The following KCNQ2 variants were observed in gnomAD, a reference collection of about 807,000 sequenced individuals.
The protein encoded by KCNQ2 is potassium voltage-gated channel subfamily Q member 2.
Under a neutral mutation model 84.8 loss-of-function variants are expected in KCNQ2, and 14 were observed. The ratio of observed to expected loss-of-function variants is 0.17; its 90% CI spans 0.11 to 0.26. The LOEUF (loss-of-function observed/expected upper bound fraction) is 0.26, where lower values mean the gene tolerates loss of function less well. Ranked by LOEUF, KCNQ2 falls within the 10% of genes least tolerant of loss-of-function variation. KCNQ2 has a pLI of 1.00. For synonymous variants in KCNQ2, 599 were observed against 554.1 expected (o/e 1.08, Z -1.14); for missense variants, 788 against 1,254.0 (o/e 0.63, Z 5.61).
At chr20:63,422,587 C>G (rs561640033) in intron 11 of KCNQ2, 2 of 152,456 alleles carry the variant, frequency 1.3e-5, no homozygotes, top group African/African-American at 4.8e-5. Flanking sequence ...CAGAGCTTAC[C>G]GGAGAGCCCG....
At chr20:63,428,701 G>A (rs1277768074) in intron 9 of KCNQ2, among the ~76,000 whole-genome samples, 4 of 152,268 alleles carry the variant, frequency 2.6e-5, no homozygotes, top group African/African-American at 4.8e-5. Context: ...GGAAGAGGGC[G>A]CCTGGCCACC....
intron 6 of KCNQ2, among the ~76,000 whole-genome samples, chr20:63,439,378 G>A (rs1047093656): frequency 3.3e-5 from 5 of 152,220 alleles, no homozygotes; most frequent in Non-Finnish European, 7.3e-5. Flanking sequence ...GCAGCCTTGG[G>A]CATGCTCCTG....
At position 63,443,185 on chromosome 20, in the gene KCNQ2, TCACCAC is replaced by T. The variant is rs201627426; in HGVS notation, c.691-660_691-655del. Among the ~76,000 whole-genome samples the T allele has an allele frequency of 1.2e-3, 82 of 65,630 alleles. 4 individuals carry two copies. Among genetic ancestry groups the T allele is most frequent in the Admixed American group, 5.9e-4 (4 of 6,732 alleles). The allele number at this position is 65,630 out of a possible 152,430, so 43.1% of individuals were successfully genotyped here. A position where few individuals can be genotyped will look rare whatever the true frequency, so the allele number is the denominator to read the frequency against. On this transcript the variant is annotated intron_variant, in intron 4 of 16. Coordinates refer to ENST00000359125, the MANE Select transcript of KCNQ2 (RefSeq NM_172107.4). ...CACCACCATCACATCACCATCACCATCACCACCACCACCACCATCACCACCACCACC... is the reference window on the plus strand; with the variant it reads ...CACCACCATCACATCACCATCACCATCACCACCACCATCACCACCACCACC...
intron 5 of KCNQ2, among the ~76,000 whole-genome samples, chr20:63,441,222 T>G (rs1378792642): frequency 6.7e-6 from 1 of 149,582 alleles, no homozygotes; most frequent in Non-Finnish European, 1.5e-5. Flanking sequence ...CCCCCCACAC[T>G]GCTGAAAACC....
chr20:63,446,258 T>C lies in KCNQ2; in HGVS notation c.387+489A>G. 2 of 250,964 alleles carry C rather than the reference T, an allele frequency of 8.0e-6. No homozygotes were observed. The highest frequency in any genetic ancestry group is 7.9e-6 in the Non-Finnish European group (1 of 127,196). 15.5% of individuals were successfully genotyped at this position (250,964 alleles called of 1,614,324 possible). A position where few individuals can be genotyped will look rare whatever the true frequency, so the allele number is the denominator to read the frequency against. ...GGCGGGCAGTAGAGGGAGGTGCATT[T>C]GGATGGGGACCAGTCTCCTTGAGGG... On this transcript the variant is annotated intron_variant, in intron 2 of 16. Coordinates refer to ENST00000359125, the MANE Select transcript of KCNQ2 (RefSeq NM_172107.4). This position sits in a 1 kb window ranked among gnomAD's most constrained non-coding sequence, Gnocchi z 5.5.
At chr20:63,432,953 G>A (rs2145673434) in intron 8 of KCNQ2, among the ~76,000 whole-genome samples, 1 of 152,298 alleles carries the variant, frequency 6.6e-6, no homozygotes, top group South Asian at 2.1e-4. Flanking sequence ...GGGGGGCGCG[G>A]GAGCTGGGAA....
At position 63,446,674 on chromosome 20, in the gene KCNQ2, C is replaced by CA; in HGVS notation, c.387+72_387+73insT. 1 of 1,285,176 alleles carries CA rather than the reference C, an allele frequency of 7.8e-7. No individual in the cohort carries two copies. Among genetic ancestry groups the CA allele is most frequent in the Non-Finnish European group, 1.1e-6 (1 of 882,972 alleles). 79.6% of individuals were successfully genotyped at this position (1,285,176 alleles called of 1,614,324 possible). A position where few individuals can be genotyped will look rare whatever the true frequency, so the allele number is the denominator to read the frequency against. ...GTCAGAGGCCCTGTAGTAACAGGAA[C>CA]GGAAGACAGACGCCCAGGCAGCTCC... is the stretch of plus-strand genomic sequence containing the variant. On this transcript the variant is annotated intron_variant, in intron 2 of 16. Coordinates refer to ENST00000359125, the MANE Select transcript of KCNQ2 (RefSeq NM_172107.4). This position sits in a 1 kb window ranked among gnomAD's most constrained non-coding sequence, Gnocchi z 5.5.
In KCNQ2 at chr20:63,438,808, C is replaced by T. The variant is rs1256543294; in HGVS notation, c.928-88G>A. On this transcript the variant is annotated intron_variant, in intron 6 of 16. Transcript: ENST00000359125. This position sits in a 1 kb window ranked among gnomAD's most constrained non-coding sequence, Gnocchi z 5.1. ...AGACCATGCTCTGGGGCCCCACACCCCCCCCAATTCATCAGGGTCAGACCA... is the reference window on the plus strand; with the variant it reads ...AGACCATGCTCTGGGGCCCCACACCTCCCCCAATTCATCAGGGTCAGACCA... The T allele has an allele frequency of 4.0e-6, 4 of 997,502 alleles. No homozygotes were observed. The highest frequency in any genetic ancestry group is 2.5e-5 in the East Asian group (1 of 39,714). 61.8% of individuals were successfully genotyped at this position (997,502 alleles called of 1,614,324 possible). A position where few individuals can be genotyped will look rare whatever the true frequency, so the allele number is the denominator to read the frequency against.
rs1175404002 is a variant in KCNQ2 at position 63,415,058 on chromosome 20, G to A, written c.1370C>T (p.Ser457Phe). 2 of 1,607,594 alleles carry A rather than the reference G, an allele frequency of 1.2e-6. No homozygotes were observed. Among genetic ancestry groups the A allele is most frequent in the East Asian group, 2.2e-5 (1 of 44,854 alleles). Reference sequence around the variant, plus strand: ...CCGCCTCACAGTCTGGGCCTGCGGGGACCCCTTCCCCTTGGCAGCCACGCC... The same window carrying A: ...CCGCCTCACAGTCTGGGCCTGCGGGAACCCCTTCCCCTTGGCAGCCACGCC... Reference protein sequence around the residue: ...PRGVAAKGKGSPQAQTVRRSP... With the variant: ...PRGVAAKGKGFPQAQTVRRSP... Residue 457 changes from serine (S) to phenylalanine (F), a missense_variant, in exon 13 of 17, where the codon TCC becomes TTC. Coordinates refer to ENST00000359125, the MANE Select transcript of KCNQ2 (RefSeq NM_172107.4).
At chr20:63,417,940 C>T (rs2145577522) in intron 12 of KCNQ2, among the ~76,000 whole-genome samples, 1 of 152,324 alleles carries the variant, frequency 6.6e-6, no homozygotes, top group East Asian at 1.9e-4. Flanking sequence ...CTGGCCTCGG[C>T]GCGGCCCTGC....
chr20:63,451,824 C>T (rs1449921047), intron 1 of KCNQ2, among the ~76,000 whole-genome samples: 1 of 152,224 alleles, frequency 6.6e-6, no homozygotes, highest in East Asian at 1.9e-4. Flanking sequence ...AGTCCTCTGG[C>T]CTGGGCAGGC....
At chr20:63,442,807 TACC>T (rs1386812186) in intron 4 of KCNQ2, among the ~76,000 whole-genome samples, 2 of 7,248 alleles carry the variant, frequency 2.8e-4, no homozygotes, top group Non-Finnish European at 5.4e-4. Flanking sequence ...CCACCACCAT[TACC>T]ACCACCATCA....
At chr20:63,443,140 A>G in intron 4 of KCNQ2, among the ~76,000 whole-genome samples, 1 of 66,036 alleles carries the variant, frequency 1.5e-5, no homozygotes, top group Non-Finnish European at 3.0e-5. Flanking sequence ...CACCATCATC[A>G]CCACCACCAT....
chr20:63,414,130 T>G lies in KCNQ2; in HGVS notation c.1589A>C (p.Glu530Ala), dbSNP rs763853192. The change falls in exon 14 of 17, where the codon GAG (glutamate) becomes GCG (alanine). Residue 530 changes from glutamate to alanine, a missense_variant. Transcript: ENST00000359125. This position sits in a 1 kb window ranked among gnomAD's most constrained non-coding sequence, Gnocchi z 6.6. ...DKSCPCEFVT[E>A]DLTPGLKVSI... ...GACTTTGAGGCCCGGGGTCAGGTCCTCGGTCACAAACTCGCAGGGGCAGCT... is the reference window on the plus strand; with the variant it reads ...GACTTTGAGGCCCGGGGTCAGGTCCGCGGTCACAAACTCGCAGGGGCAGCT... 6.2e-7 allele frequency: 1 copy of G among 1,613,710 alleles called. No homozygotes were observed. Among genetic ancestry groups the G allele is most frequent in the East Asian group, 2.2e-5 (1 of 44,864 alleles).
intron 1 of KCNQ2, among the ~76,000 whole-genome samples, chr20:63,450,274 G>A (rs774235583): frequency 9.3e-5 from 14 of 151,234 alleles, no homozygotes; most frequent in Non-Finnish European, 1.9e-4. Flanking sequence ...AGAGGTCACG[G>A]CCCAGCACAC....
At chr20:63,470,494 G>C (rs2082189441) in intron 1 of KCNQ2, among the ~76,000 whole-genome samples, 1 of 152,252 alleles carries the variant, frequency 6.6e-6, no homozygotes, top group Non-Finnish European at 1.5e-5. Context: ...AGGAAGGAGA[G>C]ACAGAGGGGC....
Position 63,407,342 on chromosome 20 carries a change from C to G in KCNQ2, c.1921G>C (p.Val641Leu). Residue 641 changes from valine (V) to leucine (L), a missense_variant, in exon 17 of 17, where the codon GTG becomes CTG. Physicochemically the swap from Val to Leu is conservative, Grantham distance 32. Transcript: ENST00000359125. The surrounding 1 kb of genome is among the most constrained non-coding windows in gnomAD (Gnocchi z 7.2). Reference sequence around the variant, plus strand: ...CCCATCCGCTGCATGTAGATATTCACCAGGAAGTCCAGCTTCTTCTCCATG... The same window carrying G: ...CCCATCCGCTGCATGTAGATATTCAGCAGGAAGTCCAGCTTCTTCTCCATG... ...LSMEKKLDFL[V>L]NIYMQRMGIP... is the part of the protein sequence containing the mutation. 1 of 1,597,700 alleles carries G rather than the reference C, an allele frequency of 6.3e-7. No individual in the cohort carries two copies. Among genetic ancestry groups the G allele is most frequent in the African/African-American group, 1.3e-5 (1 of 75,052 alleles).
chr20:63,400,664 G>A lies in KCNQ2; in HGVS notation c.*5980C>T, dbSNP rs1478069511. The A allele has an allele frequency of 1.0e-5, 4 of 398,570 alleles. No homozygotes were observed. The highest frequency in any genetic ancestry group is 1.8e-5 in the Non-Finnish European group (4 of 226,082). 24.7% of individuals were successfully genotyped at this position (398,570 alleles called of 1,614,324 possible). A position where few individuals can be genotyped will look rare whatever the true frequency, so the allele number is the denominator to read the frequency against. ...CGCAAATGGGGAAGCTGCAGCCACC[G>A]TCACGGCCAGAGGATGGCAGACTGC... On this transcript the variant is annotated 3_prime_UTR_variant, in exon 17 of 17. Coordinates refer to ENST00000359125, the MANE Select transcript of KCNQ2 (RefSeq NM_172107.4). This position sits in a 1 kb window ranked among gnomAD's most constrained non-coding sequence, Gnocchi z 8.7.
At chr20:63,420,009 G>A (rs901367083) in intron 11 of KCNQ2, among the ~76,000 whole-genome samples, 2 of 152,228 alleles carry the variant, frequency 1.3e-5, no homozygotes, top group Non-Finnish European at 1.5e-5. Context: ...GGCCTCAGAC[G>A]CCGCAGAAGC....
Sources: allele counts gnomAD v4.1 joint callset (sites outside exome capture counted in the v4.1 genomes callset), GRCh38; gene constraint gnomAD v4.1.1; non-coding constraint Gnocchi (gnomAD v3.1); transcripts MANE v1.5; gene names NCBI Gene and HGNC (gene_info 2026-07-23, HGNC 2026-07-21).